ARMC5: variants seen among roughly 807,000 people sequenced by gnomAD.
ARMC5 encodes the protein armadillo repeat containing 5.
Under a neutral mutation model 60.5 loss-of-function variants are expected in ARMC5, and 28 were observed. That is an observed-to-expected ratio of 0.46 (90% CI 0.34 to 0.63). ARMC5 has a LOEUF of 0.63. Among genes scored for constraint, ARMC5 ranks in the 30% least tolerant of loss-of-function variants. The pLI, the probability that ARMC5 is intolerant of heterozygous loss-of-function variation, is 0.01. For synonymous variants in ARMC5, 680 were observed against 607.3 expected (o/e 1.12, Z -1.76); for missense variants, 1,189 against 1,304.9 (o/e 0.91, Z 1.37).
Position 31,464,663 on chromosome 16 carries a change from C to T in ARMC5, c.1640C>T (p.Ala547Val), listed in dbSNP as rs2082335708. 3.1e-6 allele frequency: 5 copies of T among 1,598,406 alleles called. No individual in the cohort carries two copies. The highest frequency in any genetic ancestry group is 1.1e-5 in the South Asian group (1 of 90,918). ...DPSGALVTGP[A>V]LYGLLTYVTG... ...AGTGGGGCACTTGTGACCGGCCCGG[C>T]GCTGTACGGCCTGCTGACCTATGTG... The change falls in exon 4 of 6, where the codon GCG (alanine) becomes GTG (valine). Residue 547 changes from alanine (A) to valine (V), a missense_variant. Coordinates refer to ENST00000268314, the MANE Select transcript of ARMC5 (RefSeq NM_001105247.2). The surrounding 1 kb of genome is among the most constrained non-coding windows in gnomAD (Gnocchi z 7.6).
rs1233278715 is a variant in ARMC5, at chr16:31,462,612, A to G, written c.1065A>G (p.Leu355=). 2.5e-6 allele frequency: 4 copies of G among 1,613,422 alleles called. No homozygotes were observed. The highest frequency in any genetic ancestry group is 2.2e-5 in the East Asian group (1 of 44,886). Residue 355 remains leucine (L), a synonymous_variant, in exon 3 of 6, where the codon CTA becomes CTG. Coordinates refer to ENST00000268314, the MANE Select transcript of ARMC5 (RefSeq NM_001105247.2). This position sits in a 1 kb window ranked among gnomAD's most constrained non-coding sequence, Gnocchi z 7.2. The part of the protein sequence containing the change: ...QQPLVRAVCL[L]CREAINRARL... ...CCCTGGTGCGGGCTGTGTGCCTCCT[A>G]TGTCGTGAGGCCATCAACCGGGCCC... is the stretch of plus-strand genomic sequence containing the variant.
At chr16:31,459,427 G>A, upstream of ARMC5, 8 of 1,540,368 alleles carry the variant, frequency 5.2e-6, no homozygotes, top group Non-Finnish European at 7.0e-6. Context: ...GCGCTAAACA[G>A]CGTCAGCGAG....
intron 1 of ARMC5, 47 bp downstream of exon 1, chr16:31,460,046 C>T: frequency 1.3e-6 from 2 of 1,585,078 alleles, no homozygotes; most frequent in South Asian, 1.1e-5. Flanking sequence ...TTTGCAACTC[C>T]CTTGCTCTCT....
At chr16:31,463,042 C>A (rs912110575) in intron 3 of ARMC5, 125 bp downstream of exon 3, 2 of 1,037,338 alleles carry the variant, frequency 1.9e-6, no homozygotes, top group African/African-American at 1.6e-5. Flanking sequence ...AACCCAGACT[C>A]CTGATTCCCA....
In ARMC5 at chr16:31,465,831, A is replaced by G; in HGVS notation, c.1865-19A>G. ...GTCTTAGACCCCAGTTCCCAGCCTG[A>G]CAAGCTTTCCACTCACAGGGGAGAG... is the stretch of plus-strand genomic sequence containing the variant. On this transcript the variant is annotated intron_variant, in intron 4 of 5. Coordinates refer to ENST00000268314, the MANE Select transcript of ARMC5 (RefSeq NM_001105247.2). 6.2e-7 allele frequency: 1 copy of G among 1,607,506 alleles called. No homozygotes were observed. Among genetic ancestry groups the G allele is most frequent in the Non-Finnish European group, 8.5e-7 (1 of 1,179,816 alleles).
Position 31,464,471 on chromosome 16 carries a change from C to T in ARMC5, c.1448C>T (p.Pro483Leu), listed in dbSNP as rs552657393. ...GACTGGTCTCCTGAGCAGTGTCCGCCGGAGCCCATGGAGCCGGCCAGCCCC... is the reference window on the plus strand; with the variant it reads ...GACTGGTCTCCTGAGCAGTGTCCGCTGGAGCCCATGGAGCCGGCCAGCCCC... ...SPDWSPEQCP[P>L]EPMEPASPAP... The change falls in exon 4 of 6, where the codon CCG becomes CTG. Residue 483 changes from proline (P) to leucine (L), a missense_variant. This residue lies in a region of ARMC5 where 862 missense variants were observed against 1,071.2 expected (regional missense o/e 0.80). Transcript: ENST00000268314. This position sits in a 1 kb window ranked among gnomAD's most constrained non-coding sequence, Gnocchi z 7.6. 34 of 1,604,816 alleles carry T rather than the reference C, an allele frequency of 2.1e-5. No homozygotes were observed. The highest frequency in any genetic ancestry group is 1.7e-4 in the Middle Eastern group (1 of 6,018).
Position 31,464,587 on chromosome 16 carries a change from G to A in ARMC5, c.1564G>A (p.Glu522Lys), listed in dbSNP as rs756405047. 5.0e-6 allele frequency: 8 copies of A among 1,586,050 alleles called. No homozygotes were observed. The highest frequency in any genetic ancestry group is 2.3e-5 in the East Asian group (1 of 43,580). The part of the protein sequence containing the change: ...AAAIEEPWGR[E>K]GPALLLLSRF... ...CGCCATCGAGGAGCCTTGGGGACGC[G>A]AAGGGCCAGCCCTGCTGCTGCTGTC... Residue 522 changes from glutamate to lysine, a missense_variant, in exon 4 of 6, where the codon GAA (glutamate) becomes AAA (lysine). Physicochemically the swap from Glu to Lys is moderately conservative, Grantham distance 56. Coordinates refer to ENST00000268314, the MANE Select transcript of ARMC5 (RefSeq NM_001105247.2). The surrounding 1 kb of genome is among the most constrained non-coding windows in gnomAD (Gnocchi z 7.6).
Position 31,466,414 on chromosome 16 carries a change from T to C in ARMC5, c.2333T>C (p.Leu778Pro). The change falls in exon 6 of 6, where the codon CTG becomes CCG. Residue 778 changes from leucine to proline, a missense_variant. Leu to Pro is a moderately conservative substitution (Grantham distance 98, BLOSUM62 -3). This residue lies in a region of ARMC5 where 862 missense variants were observed against 1,071.2 expected (regional missense o/e 0.80). Coordinates refer to ENST00000268314, the MANE Select transcript of ARMC5 (RefSeq NM_001105247.2). The surrounding 1 kb of genome is among the most constrained non-coding windows in gnomAD (Gnocchi z 8.0). ...ATASPFFRAL[L>P]SGSFAEAQMD... ...GCCTCCCCTTTCTTCCGGGCCCTGC[T>C]GTCAGGCAGCTTTGCAGAAGCCCAG... is the stretch of plus-strand genomic sequence containing the variant. 1 of 1,612,290 alleles carries C rather than the reference T, an allele frequency of 6.2e-7. No individual in the cohort carries two copies. The highest frequency in any genetic ancestry group is 8.5e-7 in the Non-Finnish European group (1 of 1,179,846).
Position 31,462,906 on chromosome 16 carries a change from C to T in ARMC5, c.1359C>T (p.Phe453=). 1 of 1,593,756 alleles carries T rather than the reference C, an allele frequency of 6.3e-7. No individual in the cohort carries two copies. The highest frequency in any genetic ancestry group is 8.5e-7 in the Non-Finnish European group (1 of 1,169,860). The change falls in exon 3 of 6, where the codon TTC becomes TTT. Residue 453 remains phenylalanine (F), a synonymous_variant. Transcript: ENST00000268314. This position sits in a 1 kb window ranked among gnomAD's most constrained non-coding sequence, Gnocchi z 7.2. The part of the protein sequence containing the change: ...RTPERAQGGS[F]RSLRSWLISE... Reference sequence around the variant, plus strand: ...CTGAGCGGGCACAGGGTGGAAGCTTCCGGAGCCTCAGGTGAGTCCCTGCCT... The same window carrying T: ...CTGAGCGGGCACAGGGTGGAAGCTTTCGGAGCCTCAGGTGAGTCCCTGCCT...
At chr16:31,459,173 C>G (rs957832643), upstream of ARMC5, 9 of 1,513,106 alleles carry the variant, frequency 5.9e-6, no homozygotes, top group African/African-American at 2.8e-5. Flanking sequence ...GGGCGGGGCA[C>G]GGCACGAAGG....
At chr16:31,458,918 T>A (rs1462052638), upstream of ARMC5, 6 of 1,535,466 alleles carry the variant, frequency 3.9e-6, no homozygotes, top group African/African-American at 8.2e-5. Context: ...GGGGTCCAGC[T>A]CCGGAAACGG....
At chr16:31,465,580 C>G in intron 4 of ARMC5, 1 of 1,293,032 alleles carries the variant, frequency 7.7e-7, no homozygotes, top group East Asian at 2.7e-5. Context: ...TATACTGGAA[C>G]AGCTCGTGTC....
intron 4 of ARMC5, chr16:31,465,466 T>G: frequency 3.3e-6 from 3 of 909,528 alleles, no homozygotes; most frequent in Non-Finnish European, 4.6e-6. Context: ...CGAGGATTAT[T>G]ACAATATTGG....
Position 31,465,981 on chromosome 16 carries a change from C to G in ARMC5, c.1996C>G (p.Arg666Gly). The G allele has an allele frequency of 6.2e-7, 1 of 1,601,982 alleles. No individual in the cohort carries two copies. Among genetic ancestry groups the G allele is most frequent in the Non-Finnish European group, 8.5e-7 (1 of 1,178,532 alleles). ...CGCGCTGACCCTGCCCTTCATCTGC[C>G]GGTGAGTGGGAAGTGGGTGCCTTGC... Reference protein sequence around the residue: ...ACALTLPFICRKPSLWRRLLL... With the variant: ...ACALTLPFICGKPSLWRRLLL... Residue 666 changes from arginine (R) to glycine (G), a missense_variant and splice_region_variant, in exon 5 of 6, where the codon CGG becomes GGG. By Grantham distance (125) the Arg-to-Gly change is moderately radical. Coordinates refer to ENST00000268314, the MANE Select transcript of ARMC5 (RefSeq NM_001105247.2).
At chr16:31,460,143 G>C (rs1158993989) in intron 1 of ARMC5, 144 bp downstream of exon 1, 1 of 908,678 alleles carries the variant, frequency 1.1e-6, no homozygotes, top group Non-Finnish European at 1.7e-6. Context: ...TCAATCTGTT[G>C]TGCCCCGTGA....
chr16:31,459,319 C>T, upstream of ARMC5: 2 of 1,535,062 alleles, frequency 1.3e-6, no homozygotes, highest in Non-Finnish European at 1.7e-6. Context: ...GCCCGCACGT[C>T]CCAGGATGCG....
rs1037669391 is a variant in ARMC5, at chr16:31,462,304, G to A, written c.757G>A (p.Ala253Thr). ...GCTCCTGGCCACTGCCCCAGATGCT[G>A]CACTGACCTTAGCCCTCGTCCGTGC... Reference protein sequence around the residue: ...AELLATAPDAALTLALVRALL... With the variant: ...AELLATAPDATLTLALVRALL... The change falls in exon 3 of 6, where the codon GCA (alanine) becomes ACA (threonine). Residue 253 changes from alanine to threonine, a missense_variant. Ala to Thr is a moderately conservative substitution (Grantham distance 58, BLOSUM62 0). Around this residue, in one of 2 missense-constraint regions of ARMC5, gnomAD observed 862 missense variants for 1,071.2 expected, o/e 0.80. Coordinates refer to ENST00000268314, the MANE Select transcript of ARMC5 (RefSeq NM_001105247.2). The surrounding 1 kb of genome is among the most constrained non-coding windows in gnomAD (Gnocchi z 7.2). 1 of 1,610,246 alleles carries A rather than the reference G, an allele frequency of 6.2e-7. No homozygotes were observed.
chr16:31,458,590 G>A (rs1178227754), upstream of ARMC5: 22 of 1,472,580 alleles, frequency 1.5e-5, no homozygotes, highest in Non-Finnish European at 1.9e-5. Flanking sequence ...GCACTCGCAG[G>A]TTTTGGGGCT....
At chr16:31,463,879 C>T (rs569894090) in intron 3 of ARMC5, among the ~76,000 whole-genome samples, 25 of 152,308 alleles carry the variant, frequency 1.6e-4, no homozygotes, top group Non-Finnish European at 3.2e-4. Flanking sequence ...ACCTAAAGAA[C>T]GGCTTGGCAC....
Sources: allele counts gnomAD v4.1 joint callset (sites outside exome capture counted in the v4.1 genomes callset), GRCh38; gene constraint gnomAD v4.1.1; regional missense constraint gnomAD v4.1.1; non-coding constraint Gnocchi (gnomAD v3.1); transcripts MANE v1.5; gene names NCBI Gene and HGNC (gene_info 2026-07-23, HGNC 2026-07-21).